Variants in ELSPBP1 observed in about 807,000 individuals in gnomAD.
ELSPBP1 encodes epididymal sperm binding protein 1, also known as epididymal sperm-binding protein 1.
Under a neutral mutation model 33.3 loss-of-function variants are expected in ELSPBP1, and 38 were observed. The observed-to-expected ratio is 1.14, with a 90% CI of 0.88 to 1.50. ELSPBP1 has a LOEUF of 1.50. ELSPBP1 is among the 40% of genes most tolerant of loss of function. The probability of loss-of-function intolerance (pLI) is 0.00; values close to 1 mark genes in which losing one functional copy is unlikely to be tolerated. For synonymous variants in ELSPBP1, 85 were observed against 94.1 expected (o/e 0.90, Z 0.56); for missense variants, 267 against 263.5 (o/e 1.01, Z -0.09).
At chr19:48,012,790 A>G (rs1967091793) in intron 2 of ELSPBP1, among the ~76,000 whole-genome samples, 1 of 152,188 alleles carries the variant, frequency 6.6e-6, no homozygotes, top group African/African-American at 2.4e-5. Flanking sequence ...AAATTTGCTT[A>G]CTTTTCTTCA....
In ELSPBP1 at chr19:48,015,901, C is replaced by A. The variant is rs34129198; in HGVS notation, c.217C>A (p.Arg73Ser). ...AACTCTGTTCCTAACAGATTACCCA[C>A]GCTGTATCTTCCCTTTCATCTATCG... ...WKYCQSEDYP[R>S]CIFPFIYRGK... The change falls in exon 4 of 7, where the codon CGC (arginine) becomes AGC (serine). Residue 73 changes from arginine (R) to serine (S), a missense_variant. Coordinates refer to ENST00000339841, the MANE Select transcript of ELSPBP1 (RefSeq NM_022142.5). 4.4e-6 allele frequency: 7 copies of A among 1,608,318 alleles called. No homozygotes were observed. The South Asian group carries it at 6.6e-5, about 15-fold the overall frequency.
chr19:48,004,982 G>T lies in ELSPBP1; in HGVS notation c.-17-3669G>T, dbSNP rs1044036967. Among the ~76,000 whole-genome samples, 10 of 152,244 alleles carry T rather than the reference G, an allele frequency of 6.6e-5. No individual in the cohort carries two copies. In the South Asian group the frequency reaches 2.1e-3, roughly 32 times the overall value. ...GGAGGCTACGCAGGAGGATGGCTTG[G>T]GCTCAGGAGTTTGAGACCAGCCTGG... On this transcript the variant is annotated intron_variant, in intron 1 of 6. Transcript: ENST00000339841.
At chr19:48,014,941 G>GA (rs1251414177) in intron 3 of ELSPBP1, among the ~76,000 whole-genome samples, 1 of 152,050 alleles carries the variant, frequency 6.6e-6, no homozygotes, top group African/African-American at 2.4e-5. Flanking sequence ...AGTTAATAAG[G>GA]AAAAAGGAAA....
intron 2 of ELSPBP1, 133 bp from the exon 3 acceptor site, chr19:48,014,038 A>G: frequency 9.6e-7 from 1 of 1,041,574 alleles, no homozygotes; most frequent in Non-Finnish European, 1.4e-6. Flanking sequence ...TAGGATTTTA[A>G]CATATGAATT....
intron 1 of ELSPBP1, 117 bp from the exon 2 acceptor site, chr19:48,008,534 T>C (rs1392921964): frequency 1.4e-6 from 1 of 691,550 alleles, no homozygotes; most frequent in Non-Finnish European, 2.5e-6. Flanking sequence ...ATGCCTGGTC[T>C]ATTTTTTAAA....
chr19:48,019,057 G>A (rs1967170952), intron 4 of ELSPBP1, among the ~76,000 whole-genome samples: 1 of 152,146 alleles, frequency 6.6e-6, no homozygotes. Context: ...GGGAGGCTGA[G>A]GCAGAAGAAT....
At chr19:48,008,882 T>C (rs1967049646) in intron 2 of ELSPBP1, 145 bp downstream of exon 2, 1 of 664,604 alleles carries the variant, frequency 1.5e-6, no homozygotes, top group Admixed American at 2.5e-5. Flanking sequence ...ACACCTGTAA[T>C]CCCAGCACTT....
intron 1 of ELSPBP1, among the ~76,000 whole-genome samples, chr19:48,002,255 C>A (rs1382997111): frequency 1.3e-5 from 2 of 152,170 alleles, no homozygotes; most frequent in African/African-American, 2.4e-5. Context: ...GGCTCCAGGG[C>A]AGGCTCTTTC....
intron 6 of ELSPBP1, 89 bp downstream of exon 6, chr19:48,022,423 C>T: frequency 8.1e-7 from 1 of 1,228,530 alleles, no homozygotes; most frequent in Non-Finnish European, 1.1e-6. Flanking sequence ...AAGGCGAGAT[C>T]TGCTTTTTCA....
intron 1 of ELSPBP1, among the ~76,000 whole-genome samples, chr19:47,998,936 G>T (rs1319117403): frequency 6.6e-6 from 1 of 152,144 alleles, no homozygotes; most frequent in Non-Finnish European, 1.5e-5. Context: ...CTGCGCATGC[G>T]GGAGGCCCAC....
chr19:48,021,720 G>A (rs1247570713), intron 5 of ELSPBP1, among the ~76,000 whole-genome samples: 1 of 152,100 alleles, frequency 6.6e-6, no homozygotes, highest in Non-Finnish European at 1.5e-5. Context: ...AAAGTGTTGG[G>A]ATTACAGGCA....
Position 48,011,559 on chromosome 19 carries a change from AATG to A in ELSPBP1, c.71-2606_71-2604del, listed in dbSNP as rs1371765446. Among the ~76,000 whole-genome samples the A allele has an allele frequency of 2.0e-5, 3 of 151,866 alleles. No homozygotes were observed. Among genetic ancestry groups the A allele is most frequent in the East Asian group, 1.9e-4 (1 of 5,174 alleles). ...TAATGATGACAATGATGATGATGACAATGATGATCATCATCACATGATAATGAC... is the reference window on the plus strand; with the variant it reads ...TAATGATGACAATGATGATGATGACAATGATCATCATCACATGATAATGAC... On this transcript the variant is annotated intron_variant, in intron 2 of 6. Coordinates refer to ENST00000339841, the MANE Select transcript of ELSPBP1 (RefSeq NM_022142.5). This position sits in a 1 kb window ranked among gnomAD's most constrained non-coding sequence, Gnocchi z 4.5.
chr19:48,023,393 G>A (rs114293365), intron 6 of ELSPBP1, among the ~76,000 whole-genome samples: 47,967 of 100,258 alleles, frequency 0.48, 11,650 homozygotes, highest in East Asian at 0.74. Flanking sequence ...AGGGAGGAGG[G>A]AGGGAGGAAG....
In ELSPBP1 at chr19:48,022,291, C is replaced by A; in HGVS notation, c.636C>A (p.Tyr212Ter). The change falls in exon 6 of 7, where the codon TAC becomes TAA. Residue 212 changes from tyrosine to a stop codon, truncating the protein, a stop_gained. Coordinates refer to ENST00000339841, the MANE Select transcript of ELSPBP1 (RefSeq NM_022142.5). LOFTEE classifies it high-confidence loss of function. ...KENLVWCATS[Y>*]NYDQDHTWVY... is the part of the protein sequence containing the mutation. ...ACCTTGTGTGGTGTGCAACTTCTTA[C>A]AACTACGACCAAGACCACACCTGGG... is the stretch of plus-strand genomic sequence containing the variant. The A allele has an allele frequency of 6.2e-7, 1 of 1,613,270 alleles. No individual in the cohort carries two copies. The highest frequency in any genetic ancestry group is 2.2e-5 in the East Asian group (1 of 44,862).
chr19:48,004,956 A>T (rs1487394286), intron 1 of ELSPBP1, among the ~76,000 whole-genome samples: 1 of 152,206 alleles, frequency 6.6e-6, no homozygotes, highest in Non-Finnish European at 1.5e-5. Context: ...CCCAGTGCTT[A>T]GGAGGCTACG....
intron 4 of ELSPBP1, 82 bp from the exon 5 acceptor site, chr19:48,019,637 C>T (rs2115100): frequency 2.2e-6 from 3 of 1,379,422 alleles, no homozygotes; most frequent in Admixed American, 4.1e-5. Flanking sequence ...TGGGATAAAG[C>T]GTGGCACAGT....
At chr19:48,017,144 G>C (rs1312614410) in intron 4 of ELSPBP1, among the ~76,000 whole-genome samples, 1 of 152,014 alleles carries the variant, frequency 6.6e-6, no homozygotes, top group African/African-American at 2.4e-5. Context: ...ATTAGAATTA[G>C]AGCTTGAGTT....
intron 3 of ELSPBP1, among the ~76,000 whole-genome samples, chr19:48,015,437 C>T (rs1260731191): frequency 6.6e-6 from 1 of 152,102 alleles, no homozygotes; most frequent in East Asian, 1.9e-4. Context: ...GGGTGGATCA[C>T]CTGAGGCCAG....
At chr19:47,997,789 ATTTC>A (rs1006921190) in intron 1 of ELSPBP1, among the ~76,000 whole-genome samples, 1 of 152,200 alleles carries the variant, frequency 6.6e-6, no homozygotes, top group Non-Finnish European at 1.5e-5. Context: ...AACATTTATC[ATTTC>A]TTTGTGTTGG....
Sources: allele counts gnomAD v4.1 joint callset (sites outside exome capture counted in the v4.1 genomes callset), GRCh38; gene constraint gnomAD v4.1.1; non-coding constraint Gnocchi (gnomAD v3.1); transcripts MANE v1.5; gene names NCBI Gene and HGNC (gene_info 2026-07-23, HGNC 2026-07-21).